Variants in RASD2 observed in about 807,000 individuals in gnomAD.
RASD2 encodes RASD family member 2, also known as GTP-binding protein Rhes.
Under a neutral mutation model 15.8 loss-of-function variants are expected in RASD2, and 7 were observed. The observed-to-expected ratio is 0.44, with a 90% CI of 0.25 to 0.83. The LOEUF (loss-of-function observed/expected upper bound fraction) is 0.83, where lower values mean the gene tolerates loss of function less well. RASD2 is among the 40% of genes least tolerant of loss of function. The probability of loss-of-function intolerance (pLI) is 0.20; values close to 1 mark genes in which losing one functional copy is unlikely to be tolerated. For synonymous variants in RASD2, 155 were observed against 153.6 expected, an observed-to-expected ratio of 1.01 and a Z score of -0.07; for missense variants, 274 against 382.8, an observed-to-expected ratio of 0.72 and a Z score of 2.37.
At chr22:35,533,586 G>T in the RASD2 span, among the ~76,000 whole-genome samples, 1 of 151,108 alleles carries the variant, frequency 6.6e-6, no homozygotes, top group Non-Finnish European at 1.5e-5. Context: ...GGTAAGGGTG[G>T]TGATGATAAT....
intron 2 of RASD2, among the ~76,000 whole-genome samples, chr22:35,548,864 T>C (rs976994075): frequency 6.6e-6 from 1 of 152,066 alleles, no homozygotes; most frequent in Admixed American, 6.5e-5. Context: ...CTTAACCTCA[T>C]ACCCCGCAGG....
At chr22:35,534,594 C>T in the RASD2 span, among the ~76,000 whole-genome samples, 1 of 152,188 alleles carries the variant, frequency 6.6e-6, no homozygotes, top group Admixed American at 6.5e-5. Flanking sequence ...CTCAGCTTGG[C>T]CCAACCTGGT....
intron 2 of RASD2, among the ~76,000 whole-genome samples, chr22:35,547,323 C>A (rs1405313580): frequency 6.6e-6 from 1 of 152,256 alleles, no homozygotes; most frequent in Non-Finnish European, 1.5e-5. Context: ...CCTTCCAGAT[C>A]AGGAGCTGAT....
chr22:35,534,964 A>G, the RASD2 span, among the ~76,000 whole-genome samples: 2 of 152,158 alleles, frequency 1.3e-5, no homozygotes, highest in African/African-American at 2.4e-5. Flanking sequence ...GAAGAAACTG[A>G]CCACTATTTA....
At chr22:35,533,618 G>C in the RASD2 span, among the ~76,000 whole-genome samples, 1 of 151,760 alleles carries the variant, frequency 6.6e-6, no homozygotes, top group Non-Finnish European at 1.5e-5. Flanking sequence ...TGATGATGGT[G>C]ATGATGGGAA....
chr22:35,533,634 GTGA>G, the RASD2 span, among the ~76,000 whole-genome samples: 1 of 5,426 alleles, frequency 1.8e-4, no homozygotes, highest in African/African-American at 1.4e-3. Context: ...GGGAATGATG[GTGA>G]TGATGGTGAT....
At chr22:35,549,809 T>G (rs967827725) in intron 2 of RASD2, among the ~76,000 whole-genome samples, 5 of 152,216 alleles carry the variant, frequency 3.3e-5, no homozygotes, top group South Asian at 2.1e-4. Flanking sequence ...GTAAATGATG[T>G]GCTCTGGGGG....
chr22:35,550,730 T>C (rs1417572625), intron 2 of RASD2, among the ~76,000 whole-genome samples: 1 of 152,192 alleles, frequency 6.6e-6, no homozygotes. Context: ...CAGAATCAGG[T>C]AGAAATCTCA....
Position 35,551,480 on chromosome 22 carries a change from C to T in RASD2, c.272-23C>T, listed in dbSNP as rs750140480. The T allele has an allele frequency of 5.6e-6, 9 of 1,597,288 alleles. No individual in the cohort carries two copies. The highest frequency in any genetic ancestry group is 7.7e-6 in the Non-Finnish European group (9 of 1,167,146). ...GGGTTGCAGCTGGCCGGTGAACTCA[C>T]TACCTGGGCTCTCTCCCTGCAGGGG... On this transcript the variant is annotated intron_variant, in intron 2 of 2. Coordinates refer to ENST00000216127, the MANE Select transcript of RASD2 (RefSeq NM_014310.4). This position sits in a 1 kb window ranked among gnomAD's most constrained non-coding sequence, Gnocchi z 4.9.
the RASD2 span, among the ~76,000 whole-genome samples, chr22:35,533,776 CGAT>C: frequency 3.0e-5 from 1 of 33,422 alleles, no homozygotes; most frequent in African/African-American, 1.2e-4. Context: ...GTGATGATGA[CGAT>C]AGCGATGATG....
In RASD2 at chr22:35,541,365, T is replaced by G. The variant is rs1294133174; in HGVS notation, c.-145T>G. ...GCGTCCCGAGCAGCGCAGGGGAGGATCCCCGCGCAGTGACCCGGGAGCCAC... is the reference window on the plus strand; with the variant it reads ...GCGTCCCGAGCAGCGCAGGGGAGGAGCCCCGCGCAGTGACCCGGGAGCCAC... On this transcript the variant is annotated 5_prime_UTR_variant, in exon 1 of 3. Transcript: ENST00000216127. 6.6e-6 allele frequency: 1 copy of G among 152,226 alleles called. No homozygotes were observed. Among genetic ancestry groups the G allele is most frequent in the East Asian group, 1.9e-4 (1 of 5,142 alleles). The allele number at this position is 152,226 out of a possible 1,614,324, so 9.4% of individuals were successfully genotyped here.
intron 2 of RASD2, among the ~76,000 whole-genome samples, chr22:35,549,104 G>A (rs1402701835): frequency 2.0e-5 from 3 of 152,242 alleles, no homozygotes; most frequent in Non-Finnish European, 4.4e-5. Context: ...TCCTGCAAAC[G>A]CTACAGATAA....
chr22:35,533,589 A>G, the RASD2 span, among the ~76,000 whole-genome samples: 1 of 7,220 alleles, frequency 1.4e-4, no homozygotes, highest in Non-Finnish European at 3.0e-4. Context: ...AAGGGTGGTG[A>G]TGATAATGGT....
At chr22:35,535,673 G>C in the RASD2 span, among the ~76,000 whole-genome samples, 1 of 152,164 alleles carries the variant, frequency 6.6e-6, no homozygotes, top group Non-Finnish European at 1.5e-5. Context: ...CAGCCCCTCA[G>C]GCACAGGCTC....
intron 2 of RASD2, among the ~76,000 whole-genome samples, chr22:35,549,103 C>T (rs76175210): frequency 6.6e-5 from 10 of 152,352 alleles, no homozygotes; most frequent in African/African-American, 2.2e-4. Context: ...CTCCTGCAAA[C>T]GCTACAGATA....
upstream of RASD2, among the ~76,000 whole-genome samples, chr22:35,539,980 C>T (rs113034223): frequency 4.1e-3 from 620 of 152,318 alleles, 15 homozygotes; most frequent in Admixed American, 0.034. Flanking sequence ...AGACCTCTGG[C>T]TACTAAGCCT....
In RASD2 at chr22:35,551,713, C is replaced by T. The variant is rs1427977197; in HGVS notation, c.482C>T (p.Ser161Leu). 6 of 1,613,492 alleles carry T rather than the reference C, an allele frequency of 3.7e-6. No individual in the cohort carries two copies. The highest frequency in any genetic ancestry group is 1.3e-5 in the African/African-American group (1 of 74,832). ...VPTTEAELLV[S>L]GDENCAYFEV... ...ACCACCGAGGCCGAGCTGCTGGTGT[C>T]GGGCGACGAGAACTGCGCCTACTTC... Residue 161 changes from serine (S) to leucine (L), a missense_variant, in exon 3 of 3, where the codon TCG (serine) becomes TTG (leucine). Transcript: ENST00000216127. The surrounding 1 kb of genome is among the most constrained non-coding windows in gnomAD (Gnocchi z 4.9).
rs914293748 is a variant in RASD2, at chr22:35,548,836, C to A, written c.271+1756C>A. ...ATGCATCCTGTCTGAGTCTCAGCCTCCCCAGCCACACAGTGGGCTTAACCT... is the reference window on the plus strand; with the variant it reads ...ATGCATCCTGTCTGAGTCTCAGCCTACCCAGCCACACAGTGGGCTTAACCT... On this transcript the variant is annotated intron_variant, in intron 2 of 2. Coordinates refer to ENST00000216127, the MANE Select transcript of RASD2 (RefSeq NM_014310.4). 7.8e-4 allele frequency among the ~76,000 whole-genome samples: 119 copies of A among 152,290 alleles called. 1 individual carries two copies. In the East Asian group the frequency reaches 0.02, roughly 26 times the overall value.
intron 1 of RASD2, among the ~76,000 whole-genome samples, chr22:35,545,897 C>A (rs8139398): frequency 6.6e-6 from 1 of 151,864 alleles, no homozygotes; most frequent in Non-Finnish European, 1.5e-5. Context: ...GTGGAGCCTG[C>A]GGGTTTGCTT....
Sources: gnomAD v4.1 joint callset for allele counts (sites outside exome capture counted in the v4.1 genomes callset) on GRCh38, gnomAD v4.1.1 for gene constraint, Gnocchi (gnomAD v3.1) non-coding constraint, MANE v1.5 for transcripts, NCBI Gene and HGNC (gene_info 2026-07-23, HGNC 2026-07-21) for gene names.